The following CNTNAP2 variants were observed in gnomAD, a reference collection of about 807,000 sequenced individuals.
The protein encoded by CNTNAP2 is contactin-associated protein-like 2.
A neutral mutation model predicts 155.2 loss-of-function variants in CNTNAP2; 98 were observed. The observed-to-expected ratio is 0.63, with a 90% CI of 0.54 to 0.75. The LOEUF is 0.75. Ranked by LOEUF, CNTNAP2 falls within the 30% of genes least tolerant of loss-of-function variation. The pLI, the probability that CNTNAP2 is intolerant of heterozygous loss-of-function variation, is 0.00. For synonymous variants in CNTNAP2, 651 were observed against 631.2 expected (o/e 1.03, Z -0.47); for missense variants, 1,727 against 1,688.1 (o/e 1.02, Z -0.40).
At chr7:146,632,906 C>T (rs1799532956) in intron 1 of CNTNAP2, among the ~76,000 whole-genome samples, 1 of 150,142 alleles carries the variant, frequency 6.7e-6, no homozygotes, top group Non-Finnish European at 1.5e-5. Flanking sequence ...ATGATGTGGT[C>T]GCTTGAAAGA....
At chr7:147,532,392 C>A (rs1799456780) in intron 11 of CNTNAP2, among the ~76,000 whole-genome samples, 1 of 152,190 alleles carries the variant, frequency 6.6e-6, no homozygotes, top group Non-Finnish European at 1.5e-5. Context: ...GAGACCACCT[C>A]AGCCTGGATT....
At chr7:148,174,809 C>A (rs1343317067) in intron 18 of CNTNAP2, among the ~76,000 whole-genome samples, 1 of 152,062 alleles carries the variant, frequency 6.6e-6, no homozygotes, top group African/African-American at 2.4e-5. Flanking sequence ...GTTACATAAG[C>A]ATACGTGTGC....
chr7:146,843,739 A>G (rs2129201494), intron 3 of CNTNAP2, among the ~76,000 whole-genome samples: 1 of 152,160 alleles, frequency 6.6e-6, no homozygotes, highest in East Asian at 1.9e-4. Context: ...AAATTTCAAA[A>G]AAAAGTACTC....
chr7:148,272,612 AT>A (rs1301956089), intron 21 of CNTNAP2, among the ~76,000 whole-genome samples: 1 of 152,192 alleles, frequency 6.6e-6, no homozygotes, highest in African/African-American at 2.4e-5. Context: ...ATGAAATGTA[AT>A]AGAAATAAAC....
chr7:146,809,120 T>C (rs531937848), intron 2 of CNTNAP2, among the ~76,000 whole-genome samples: 44 of 152,208 alleles, frequency 2.9e-4, no homozygotes, highest in Non-Finnish European at 5.9e-4. Flanking sequence ...AGTTCTATTT[T>C]TAATTTTTTG....
At chr7:146,742,015 C>A (rs1441620983) in intron 1 of CNTNAP2, among the ~76,000 whole-genome samples, 1 of 150,072 alleles carries the variant, frequency 6.7e-6, no homozygotes, top group East Asian at 2.0e-4. Flanking sequence ...CCTTACTGAA[C>A]AAAACAATAA....
intron 8 of CNTNAP2, among the ~76,000 whole-genome samples, chr7:147,274,298 G>A (rs1040727743): frequency 7.9e-5 from 12 of 151,882 alleles, no homozygotes; most frequent in African/African-American, 1.9e-4. Context: ...CCTTTTCTCC[G>A]CATCCTTACC....
At chr7:146,839,582 T>C (rs1803679418) in intron 2 of CNTNAP2, 129 bp from the exon 3 acceptor site, 3 of 925,708 alleles carry the variant, frequency 3.2e-6, no homozygotes, top group Non-Finnish European at 5.1e-6. Flanking sequence ...CTATAAAGGA[T>C]ATTTCATAAT....
chr7:148,189,403 G>C (rs1414171085), intron 18 of CNTNAP2, among the ~76,000 whole-genome samples: 1 of 152,152 alleles, frequency 6.6e-6, no homozygotes, highest in Non-Finnish European at 1.5e-5. Context: ...AGCTGGTTGA[G>C]GGAGAAGCTC....
At chr7:147,365,399 A>AAAAAAAAAAC (rs1563176838) in intron 9 of CNTNAP2, among the ~76,000 whole-genome samples, 59 of 147,292 alleles carry the variant, frequency 4.0e-4, no homozygotes, top group Non-Finnish European at 4.5e-4. Flanking sequence ...AAAAAAAAAA[A>AAAAAAAAAAC]AAAAAAAAAC....
intron 2 of CNTNAP2, among the ~76,000 whole-genome samples, chr7:146,812,797 C>T (rs1386489982): frequency 1.3e-5 from 2 of 152,204 alleles, no homozygotes; most frequent in Non-Finnish European, 1.5e-5. Flanking sequence ...GACCCAGAGG[C>T]CTAGAAGGGA....
rs140844236 is a variant in CNTNAP2 at position 147,808,926 on chromosome 7, A to T, written c.2099-94639A>T. ...GGCAGTAGGATATACTCATTTTTTA[A>T]ATTTTCTAAAGCACCAAGATGAGCC... On this transcript the variant is annotated intron_variant, in intron 13 of 23. Transcript: ENST00000361727. 2.2e-3 allele frequency among the ~76,000 whole-genome samples: 332 copies of T among 152,270 alleles called. 2 individuals are homozygous for T. Among genetic ancestry groups the T allele is most frequent in the African/African-American group, 7.6e-3 (315 of 41,554 alleles).
At chr7:147,377,975 C>G (rs111663826) in intron 9 of CNTNAP2, 34 of 464,404 alleles carry the variant, frequency 7.3e-5, no homozygotes, top group South Asian at 5.3e-4. Flanking sequence ...TTAGATGTTA[C>G]GTATTTTAAT....
intron 1 of CNTNAP2, among the ~76,000 whole-genome samples, chr7:146,381,997 G>T (rs1345131281): frequency 6.6e-6 from 1 of 152,166 alleles, no homozygotes; most frequent in Non-Finnish European, 1.5e-5. Flanking sequence ...CTTGAATGTT[G>T]TTAATAAAGG....
At chr7:148,009,409 CA>C (rs1802034350) in intron 15 of CNTNAP2, among the ~76,000 whole-genome samples, 1 of 152,142 alleles carries the variant, frequency 6.6e-6, no homozygotes, top group Admixed American at 6.5e-5. Flanking sequence ...TGTCATAAGT[CA>C]GGGTTCATCT....
chr7:146,123,520 G>A (rs1047862699), intron 1 of CNTNAP2, among the ~76,000 whole-genome samples: 2 of 152,090 alleles, frequency 1.3e-5, no homozygotes, highest in Non-Finnish European at 2.9e-5. Flanking sequence ...ATCTAAGATG[G>A]AATCAAGTTA....
intron 9 of CNTNAP2, among the ~76,000 whole-genome samples, chr7:147,348,241 A>G (rs982606223): frequency 1.3e-5 from 2 of 152,060 alleles, no homozygotes; most frequent in African/African-American, 4.8e-5. Flanking sequence ...AATGGAAGAA[A>G]TATTTTCCAT....
Position 148,225,416 on chromosome 7 carries a change from C to T in CNTNAP2, c.3248-4230C>T, listed in dbSNP as rs144237954. ...GAATGAGCATCCTGAACAGAAGAAC[C>T]GGTGACTGCAAAGGCCCTTGGGTAG... On this transcript the variant is annotated intron_variant, in intron 19 of 23. Transcript: ENST00000361727. Among the ~76,000 whole-genome samples, 28 of 152,180 alleles carry T rather than the reference C, an allele frequency of 1.8e-4. No homozygotes were observed. The East Asian group carries it at 4.3e-3, about 23-fold the overall frequency.
intron 1 of CNTNAP2, among the ~76,000 whole-genome samples, chr7:146,679,955 C>T (rs958604092): frequency 1.3e-5 from 2 of 151,876 alleles, no homozygotes; most frequent in Admixed American, 6.6e-5. Context: ...GAAATGTGTC[C>T]TATTTTAGTC....
Sources: allele counts gnomAD v4.1 joint callset (sites outside exome capture counted in the v4.1 genomes callset), GRCh38; gene constraint gnomAD v4.1.1; transcripts MANE v1.5; gene names NCBI Gene and HGNC (gene_info 2026-07-23, HGNC 2026-07-21).